The following CACNG3 variants were observed in gnomAD, a reference collection of about 807,000 sequenced individuals.
CACNG3 encodes calcium voltage-gated channel auxiliary subunit gamma 3, also known as voltage-dependent calcium channel gamma-3 subunit.
In CACNG3, 3 loss-of-function variants were observed where a neutral mutation model predicts 28.5. That is an observed-to-expected ratio of 0.11 (90% CI 0.05 to 0.27). CACNG3 has a LOEUF of 0.27. Ranked by LOEUF, CACNG3 falls within the 10% of genes least tolerant of loss-of-function variation. The pLI is 1.00. For missense variants in CACNG3, 236 were observed against 414.4 expected (o/e 0.57, Z 3.74); for synonymous variants, 174 against 162.2 (o/e 1.07, Z -0.55).
At chr16:24,285,932 C>A (rs1297076501) in intron 1 of CACNG3, among the ~76,000 whole-genome samples, 8 of 151,254 alleles carry the variant, frequency 5.3e-5, no homozygotes, top group African/African-American at 1.7e-4. Context: ...CCACCTCCAC[C>A]CACTAGGCTT....
rs774108625 is a variant in CACNG3 at position 24,346,724 on chromosome 16, G to C, written c.212-10G>C. The C allele has an allele frequency of 6.2e-7, 1 of 1,611,886 alleles. No homozygotes were observed. The highest frequency in any genetic ancestry group is 8.5e-7 in the Non-Finnish European group (1 of 1,177,984). ...TCCCCCAGGCTCAGAACCCTTATCTGTTTCCACAGGGGCTTTCCGAGGCGT... is the reference window on the plus strand; with the variant it reads ...TCCCCCAGGCTCAGAACCCTTATCTCTTTCCACAGGGGCTTTCCGAGGCGT... On this transcript the variant is annotated splice_polypyrimidine_tract_variant and intron_variant, in intron 1 of 3. Transcript: ENST00000005284.
chr16:24,359,258 G>C (rs181472574), intron 3 of CACNG3, among the ~76,000 whole-genome samples: 2 of 152,046 alleles, frequency 1.3e-5, no homozygotes, highest in Non-Finnish European at 2.9e-5. Context: ...TTCATGTGAA[G>C]TCTGCCTTCT....
chr16:24,322,722 TC>T (rs772461198), intron 1 of CACNG3, among the ~76,000 whole-genome samples: 1 of 152,192 alleles, frequency 6.6e-6, no homozygotes, highest in Non-Finnish European at 1.5e-5. Context: ...AGTAACTTTC[TC>T]AGTCATTCCG....
At chr16:24,289,620 G>GCTC (rs1284282667) in intron 1 of CACNG3, among the ~76,000 whole-genome samples, 2 of 152,152 alleles carry the variant, frequency 1.3e-5, no homozygotes, top group Admixed American at 1.3e-4. Flanking sequence ...CCCCATTCTA[G>GCTC]CTCCCTACAG....
intron 3 of CACNG3, 84 bp downstream of exon 3, chr16:24,355,057 GCTC>G: frequency 7.4e-7 from 1 of 1,355,562 alleles, no homozygotes; most frequent in Admixed American, 1.9e-5. Flanking sequence ...GCTACTCAGG[GCTC>G]CCTCCAGGGA....
chr16:24,273,031 G>A (rs1240079328), intron 1 of CACNG3, among the ~76,000 whole-genome samples: 3 of 151,946 alleles, frequency 2.0e-5, no homozygotes, highest in Non-Finnish European at 2.9e-5. Context: ...AGTGTGTGTT[G>A]TTCCCCTCTA....
chr16:24,336,251 C>T (rs569849034), intron 1 of CACNG3, among the ~76,000 whole-genome samples: 2 of 151,586 alleles, frequency 1.3e-5, no homozygotes, highest in Non-Finnish European at 1.5e-5. Context: ...AGAAAGAAAC[C>T]CCAGCAATCT....
At chr16:24,292,147 C>A (rs1351541393) in intron 1 of CACNG3, among the ~76,000 whole-genome samples, 1 of 152,122 alleles carries the variant, frequency 6.6e-6, no homozygotes, top group African/African-American at 2.4e-5. Context: ...AGCAAGGTGG[C>A]AGCTAAGTTT....
intron 1 of CACNG3, among the ~76,000 whole-genome samples, chr16:24,334,629 T>C (rs1019581212): frequency 6.6e-5 from 10 of 152,326 alleles, no homozygotes; most frequent in African/African-American, 2.2e-4. Flanking sequence ...CTTGGAAAGA[T>C]TGGGCCTTGG....
At chr16:24,299,687 A>C (rs974517152) in intron 1 of CACNG3, among the ~76,000 whole-genome samples, 1 of 152,214 alleles carries the variant, frequency 6.6e-6, no homozygotes, top group African/African-American at 2.4e-5. Flanking sequence ...ATGACTTCAT[A>C]GTGATGTATC....
At chr16:24,352,797 C>A (rs1226833998) in intron 2 of CACNG3, among the ~76,000 whole-genome samples, 3 of 152,198 alleles carry the variant, frequency 2.0e-5, no homozygotes, top group Non-Finnish European at 4.4e-5. Flanking sequence ...GCCTCAGCCT[C>A]CCAAACTGCT....
rs570575530 is a variant in CACNG3, at chr16:24,300,630, A to C, written c.211+43665A>C. Among the ~76,000 whole-genome samples the C allele has an allele frequency of 2.2e-3, 338 of 152,208 alleles. 1 individual carries two copies. The highest frequency in any genetic ancestry group is 7.6e-3 in the African/African-American group (315 of 41,552). On this transcript the variant is annotated intron_variant, in intron 1 of 3. Transcript: ENST00000005284. ...AAAAACAAAACAAGACAAAAAAAAA[A>C]AAAAACCATAGACTGAGCATGGTGG... is the stretch of plus-strand genomic sequence containing the variant.
intron 1 of CACNG3, among the ~76,000 whole-genome samples, chr16:24,301,447 T>C (rs7204986): frequency 0.37 from 55,835 of 151,926 alleles, 11,521 homozygotes; most frequent in African/African-American, 0.56. Context: ...GCAAAAATGA[T>C]CCAACTCAGT....
At chr16:24,289,347 A>G (rs776060119) in intron 1 of CACNG3, among the ~76,000 whole-genome samples, 14 of 152,188 alleles carry the variant, frequency 9.2e-5, no homozygotes, top group Non-Finnish European at 1.9e-4. Context: ...TCAGATTGTT[A>G]TGTGATGGTG....
intron 1 of CACNG3, among the ~76,000 whole-genome samples, chr16:24,261,235 C>T (rs1006763103): frequency 3.3e-5 from 5 of 152,100 alleles, no homozygotes; most frequent in South Asian, 2.1e-4. Context: ...GGTTTGGAGG[C>T]GGGTAACGGT....
At chr16:24,333,496 C>G (rs891207631) in intron 1 of CACNG3, 1 of 152,392 alleles carries the variant, frequency 6.6e-6, no homozygotes, top group Admixed American at 6.5e-5. Context: ...TAGCCACTTA[C>G]AATTTTCAGA....
intron 1 of CACNG3, among the ~76,000 whole-genome samples, chr16:24,288,170 C>T (rs537327341): frequency 7.9e-5 from 12 of 152,036 alleles, no homozygotes; most frequent in Non-Finnish European, 1.6e-4. Context: ...GCTAGGATTG[C>T]AGAGCTAGAA....
At chr16:24,277,147 T>C (rs1898762883) in intron 1 of CACNG3, among the ~76,000 whole-genome samples, 1 of 152,176 alleles carries the variant, frequency 6.6e-6, no homozygotes, top group Non-Finnish European at 1.5e-5. Flanking sequence ...TCCTCCTTTT[T>C]CTGGTCAAAG....
At chr16:24,328,511 C>A (rs747109204) in intron 1 of CACNG3, among the ~76,000 whole-genome samples, 1 of 151,292 alleles carries the variant, frequency 6.6e-6, no homozygotes, top group Non-Finnish European at 1.5e-5. Context: ...TTATAAAGCA[C>A]CTACTGTGTA....
Sources: gnomAD v4.1 joint callset for allele counts (sites outside exome capture counted in the v4.1 genomes callset) on GRCh38, gnomAD v4.1.1 for gene constraint, MANE v1.5 for transcripts, NCBI Gene and HGNC (gene_info 2026-07-23, HGNC 2026-07-21) for gene names.